Variants in SNTG1 observed in about 807,000 individuals in gnomAD.
SNTG1 encodes syntrophin gamma 1.
SNTG1 carries 39 observed loss-of-function variants against 74.7 expected under a neutral mutation model. That is an observed-to-expected ratio of 0.52 (90% confidence interval 0.40 to 0.68). The LOEUF is 0.68. SNTG1 is among the 30% of genes least tolerant of loss of function. The pLI, the probability that SNTG1 is intolerant of heterozygous loss-of-function variation, is 0.00. For missense variants in SNTG1, 685 were observed against 609.5 expected (o/e 1.12, Z -1.30); for synonymous variants, 254 against 217.1 (o/e 1.17, Z -1.49).
chr8:50,770,023 G>A (rs909644826), intron 18 of SNTG1, among the ~76,000 whole-genome samples: 1 of 152,022 alleles, frequency 6.6e-6, no homozygotes, highest in Non-Finnish European at 1.5e-5. Context: ...AAAGAGTACA[G>A]GTTATAGTCC....
chr8:50,579,584 T>C (rs1022484483), intron 12 of SNTG1, among the ~76,000 whole-genome samples: 7 of 152,080 alleles, frequency 4.6e-5, no homozygotes, highest in Non-Finnish European at 1.5e-5. Context: ...TGTGCATCCC[T>C]GGGGCATGGT....
chr8:50,270,797 A>G (rs983871241), intron 2 of SNTG1, among the ~76,000 whole-genome samples: 7 of 152,182 alleles, frequency 4.6e-5, no homozygotes, highest in Non-Finnish European at 1.0e-4. Flanking sequence ...AGAAAGAAAG[A>G]CCTAAAAACA....
intron 4 of SNTG1, among the ~76,000 whole-genome samples, chr8:50,407,586 T>C (rs1012239583): frequency 6.6e-6 from 1 of 152,222 alleles, no homozygotes; most frequent in African/African-American, 2.4e-5. Context: ...TAGGATTGTC[T>C]TTGCCTGACA....
chr8:50,568,164 T>C (rs1377033947), intron 12 of SNTG1, among the ~76,000 whole-genome samples: 1 of 152,018 alleles, frequency 6.6e-6, no homozygotes, highest in East Asian at 1.9e-4. Flanking sequence ...GGTTCATCCA[T>C]GTTGCAGCAA....
intron 4 of SNTG1, among the ~76,000 whole-genome samples, chr8:50,434,822 C>A (rs1199212959): frequency 2.0e-5 from 3 of 152,150 alleles, no homozygotes; most frequent in Non-Finnish European, 2.9e-5. Context: ...TCTCTATTTT[C>A]TTTCCATTAT....
At position 50,344,816 on chromosome 8, in the gene SNTG1, C is replaced by A. The variant is rs1027095228; in HGVS notation, c.-27-49396C>A. On this transcript the variant is annotated intron_variant, in intron 2 of 18. Transcript: ENST00000642720. Reference sequence around the variant, plus strand: ...TTCACCAAAATTCATACATCACAGCCCTAACCCCTAGTACCTCAGACTGTG... The same window carrying A: ...TTCACCAAAATTCATACATCACAGCACTAACCCCTAGTACCTCAGACTGTG... Among the ~76,000 whole-genome samples the A allele has an allele frequency of 2.0e-5, 3 of 152,146 alleles. No individual in the cohort carries two copies. The South Asian group carries it at 6.2e-4, about 31-fold the overall frequency.
At chr8:50,504,715 G>T (rs1230599954) in intron 9 of SNTG1, among the ~76,000 whole-genome samples, 2 of 152,102 alleles carry the variant, frequency 1.3e-5, no homozygotes, top group South Asian at 2.1e-4. Flanking sequence ...GTGAGAGGAT[G>T]GCTTGAGCCT....
chr8:50,714,755 G>C (rs1348021017), intron 17 of SNTG1, among the ~76,000 whole-genome samples: 1 of 151,886 alleles, frequency 6.6e-6, no homozygotes, highest in Admixed American at 6.6e-5. Context: ...AAACAGATTG[G>C]GCCACATGAT....
intron 1 of SNTG1, among the ~76,000 whole-genome samples, chr8:50,083,291 A>G (rs959972343): frequency 6.6e-6 from 1 of 152,180 alleles, no homozygotes; most frequent in African/African-American, 2.4e-5. Flanking sequence ...TGAGGGGAAG[A>G]TTTGTCAAGC....
chr8:49,940,365 G>A (rs1049838233), intron 1 of SNTG1, among the ~76,000 whole-genome samples: 2 of 152,128 alleles, frequency 1.3e-5, no homozygotes, highest in African/African-American at 2.4e-5. Flanking sequence ...TTAGCTTAGC[G>A]AAAAAGTAGA....
At chr8:50,516,752 A>T (rs1247533585) in intron 9 of SNTG1, among the ~76,000 whole-genome samples, 2 of 152,186 alleles carry the variant, frequency 1.3e-5, no homozygotes. Flanking sequence ...AGAAAAAAGA[A>T]TGAAAAGGAA....
At chr8:50,069,864 C>G (rs539718152) in intron 1 of SNTG1, among the ~76,000 whole-genome samples, 4 of 152,062 alleles carry the variant, frequency 2.6e-5, no homozygotes, top group East Asian at 1.9e-4. Flanking sequence ...CCAAGCTGCT[C>G]TCCTCCTGCA....
At chr8:50,115,425 G>A (rs2080774412) in intron 1 of SNTG1, among the ~76,000 whole-genome samples, 2 of 151,784 alleles carry the variant, frequency 1.3e-5, no homozygotes. Context: ...AATTAGCCGA[G>A]CATCATGTCT....
At position 50,704,704 on chromosome 8, in the gene SNTG1, G is replaced by C. The variant is rs1329959650; in HGVS notation, c.1143G>C (p.Trp381Cys). 6.2e-7 allele frequency: 1 copy of C among 1,614,104 alleles called. No homozygotes were observed. The change falls in exon 16 of 19, where the codon TGG becomes TGC. Residue 381 changes from tryptophan (W) to cysteine (C), a missense_variant. Physicochemically the swap from Trp to Cys is radical, Grantham distance 215. Transcript: ENST00000642720. ...SVELESDLAQ[W>C]ERAFQTATFL... is the part of the protein sequence containing the mutation. Reference sequence around the variant, plus strand: ...AGCTGGAAAGTGACCTCGCCCAGTGGGAAAGAGCCTTCCAGACAGCAACCT... The same window carrying C: ...AGCTGGAAAGTGACCTCGCCCAGTGCGAAAGAGCCTTCCAGACAGCAACCT...
chr8:50,601,453 T>C (rs1015257525), intron 13 of SNTG1, among the ~76,000 whole-genome samples: 1 of 152,162 alleles, frequency 6.6e-6, no homozygotes, highest in Non-Finnish European at 1.5e-5. Context: ...TTGTTATTTA[T>C]TTCTAATTTC....
chr8:50,463,701 G>A (rs540849878), intron 8 of SNTG1, among the ~76,000 whole-genome samples: 89 of 152,122 alleles, frequency 5.9e-4, no homozygotes, highest in Non-Finnish European at 4.9e-4. Flanking sequence ...TCTTAAAGTC[G>A]CTAGCATTTT....
chr8:50,268,090 T>C (rs2087573173), intron 2 of SNTG1, among the ~76,000 whole-genome samples: 1 of 152,196 alleles, frequency 6.6e-6, no homozygotes, highest in South Asian at 2.1e-4. Context: ...CCCACATAAA[T>C]TGATTTGCAT....
At chr8:50,262,795 G>T (rs1179318575) in intron 2 of SNTG1, among the ~76,000 whole-genome samples, 1 of 151,898 alleles carries the variant, frequency 6.6e-6, no homozygotes, top group Admixed American at 6.6e-5. Flanking sequence ...GAAAAGACAT[G>T]GTAAAACTTT....
rs554335475 is a variant in SNTG1, at chr8:50,748,228, T to C, written c.1285-3773T>C. Among the ~76,000 whole-genome samples the C allele has an allele frequency of 1.6e-3, 246 of 152,112 alleles. 1 individual carries two copies. The highest frequency in any genetic ancestry group is 3.0e-3 in the Non-Finnish European group (201 of 67,950). On this transcript the variant is annotated intron_variant, in intron 17 of 18. Transcript: ENST00000642720. ...TGGAATTGCTGGTTGGAGATAAACA[T>C]TTTCTCACTCCATTTACCCTTAAAT...
Sources: gnomAD v4.1 joint callset for allele counts (sites outside exome capture counted in the v4.1 genomes callset) on GRCh38, gnomAD v4.1.1 for gene constraint, MANE v1.5 for transcripts, NCBI Gene and HGNC (gene_info 2026-07-23, HGNC 2026-07-21) for gene names.